The following CNTNAP2 variants were observed in gnomAD, a reference collection of about 807,000 sequenced individuals.
CNTNAP2 encodes the protein contactin-associated protein-like 2.
In CNTNAP2, 98 loss-of-function variants were observed where a neutral mutation model predicts 155.2. The observed-to-expected ratio is 0.63, with a 90% CI of 0.54 to 0.75. The LOEUF is 0.75. Ranked by LOEUF, CNTNAP2 falls within the 30% of genes least tolerant of loss-of-function variation. The probability of loss-of-function intolerance (pLI) is 0.00; values close to 1 mark genes in which losing one functional copy is unlikely to be tolerated. For synonymous variants in CNTNAP2, 651 were observed against 631.2 expected, an observed-to-expected ratio of 1.03 and a Z score of -0.47; for missense variants, 1,727 against 1,688.1, an observed-to-expected ratio of 1.02 and a Z score of -0.40.
At chr7:148,054,632 T>A (rs910216463) in intron 15 of CNTNAP2, among the ~76,000 whole-genome samples, 2 of 151,980 alleles carry the variant, frequency 1.3e-5, no homozygotes, top group Non-Finnish European at 2.9e-5. Flanking sequence ...AGAGGCCAAC[T>A]CTTTTCCTTT....
chr7:146,810,455 G>A (rs1339324530), intron 2 of CNTNAP2, among the ~76,000 whole-genome samples: 1 of 151,642 alleles, frequency 6.6e-6, no homozygotes, highest in African/African-American at 2.4e-5. Flanking sequence ...CTATTATCAT[G>A]GGAACATTTT....
chr7:147,591,293 A>AT (rs1026415771), intron 12 of CNTNAP2, among the ~76,000 whole-genome samples: 2 of 152,016 alleles, frequency 1.3e-5, no homozygotes, highest in African/African-American at 2.4e-5. Flanking sequence ...CTGTAGGTTT[A>AT]TTTTTTTGTC....
chr7:147,246,290 C>A (rs1804066467), intron 8 of CNTNAP2, among the ~76,000 whole-genome samples: 1 of 152,096 alleles, frequency 6.6e-6, no homozygotes, highest in Admixed American at 6.6e-5. Context: ...CTGGGGAGGT[C>A]AACCTTTGGT....
At position 147,270,179 on chromosome 7, in the gene CNTNAP2, A is replaced by G. The variant is rs545593745; in HGVS notation, c.1349-29962A>G. Among the ~76,000 whole-genome samples the G allele has an allele frequency of 2.6e-4, 39 of 152,348 alleles. 1 individual carries two copies. In the South Asian group the frequency reaches 6.6e-3, roughly 26 times the overall value. ...CAATGAAAGCAAAAAGTCATGAGTC[A>G]TGTCTCTTCTTTCTATATCTATTCT... On this transcript the variant is annotated intron_variant, in intron 8 of 23. Coordinates refer to ENST00000361727, the MANE Select transcript of CNTNAP2 (RefSeq NM_014141.6).
At chr7:147,490,043 T>A (rs936628625) in intron 11 of CNTNAP2, among the ~76,000 whole-genome samples, 2 of 152,238 alleles carry the variant, frequency 1.3e-5, no homozygotes, top group Middle Eastern at 3.2e-3. Flanking sequence ...AGTATTTTAG[T>A]GTTCGACAAA....
At chr7:146,968,462 C>A (rs1797708056) in intron 3 of CNTNAP2, among the ~76,000 whole-genome samples, 1 of 151,844 alleles carries the variant, frequency 6.6e-6, no homozygotes, top group African/African-American at 2.4e-5. Flanking sequence ...GGTTGGTAAG[C>A]TATTGATTAT....
At chr7:146,336,028 T>C (rs1801268449) in intron 1 of CNTNAP2, among the ~76,000 whole-genome samples, 2 of 151,954 alleles carry the variant, frequency 1.3e-5, no homozygotes, top group African/African-American at 2.4e-5. Context: ...GGAGAAACCC[T>C]GTCTCTACTA....
intron 2 of CNTNAP2, among the ~76,000 whole-genome samples, chr7:146,812,751 A>G (rs1803091563): frequency 6.6e-6 from 1 of 152,198 alleles, no homozygotes; most frequent in African/African-American, 2.4e-5. Flanking sequence ...TATCTAGAAC[A>G]TGTCAGAGAC....
rs192474023 is a variant in CNTNAP2 at position 146,618,611 on chromosome 7, T to A, written c.98-155660T>A. 2.7e-3 allele frequency among the ~76,000 whole-genome samples: 407 copies of A among 152,334 alleles called. 1 individual carries two copies. Among genetic ancestry groups the A allele is most frequent in the Non-Finnish European group, 5.1e-3 (345 of 68,022 alleles). On this transcript the variant is annotated intron_variant, in intron 1 of 23. Coordinates refer to ENST00000361727, the MANE Select transcript of CNTNAP2 (RefSeq NM_014141.6). ...GGGTAACAAAGAAACTCTGCACTTA[T>A]AAGCATTGCATATTTGTTTTAAATT...
At chr7:147,907,970 G>T (rs976482926) in intron 14 of CNTNAP2, among the ~76,000 whole-genome samples, 7 of 151,282 alleles carry the variant, frequency 4.6e-5, no homozygotes, top group African/African-American at 1.5e-4. Flanking sequence ...TAGAGATGGG[G>T]TTTCACCAGG....
At chr7:146,552,866 T>G (rs948021868) in intron 1 of CNTNAP2, among the ~76,000 whole-genome samples, 1 of 152,088 alleles carries the variant, frequency 6.6e-6, no homozygotes, top group Non-Finnish European at 1.5e-5. Context: ...TAAATGCATG[T>G]CTGACTCCCT....
intron 11 of CNTNAP2, among the ~76,000 whole-genome samples, chr7:147,504,659 G>A (rs532489421): frequency 6.1e-5 from 9 of 148,744 alleles, no homozygotes; most frequent in African/African-American, 2.2e-4. Flanking sequence ...ACGGCTTGGG[G>A]TCCTGGGCGA....
chr7:147,612,930 AT>A lies in CNTNAP2; in HGVS notation c.1898-26172del, dbSNP rs775920595. Among the ~76,000 whole-genome samples, 78 of 152,044 alleles carry A rather than the reference AT, an allele frequency of 5.1e-4. 1 individual carries two copies. Among genetic ancestry groups the A allele is most frequent in the Non-Finnish European group, 1.0e-3 (68 of 68,010 alleles). Reference sequence around the variant, plus strand: ...CAATTGTATAACCATAGCTCAACTTATTTTCCACTCTTGTCGGCTGGCCTTT... The same window carrying A: ...CAATTGTATAACCATAGCTCAACTTATTTCCACTCTTGTCGGCTGGCCTTT... On this transcript the variant is annotated intron_variant, in intron 12 of 23. Coordinates refer to ENST00000361727, the MANE Select transcript of CNTNAP2 (RefSeq NM_014141.6).
At chr7:147,413,306 A>G (rs1797134646) in intron 10 of CNTNAP2, among the ~76,000 whole-genome samples, 1 of 152,196 alleles carries the variant, frequency 6.6e-6, no homozygotes, top group Non-Finnish European at 1.5e-5. Context: ...AGCGTTGGAG[A>G]AAAGTATTCA....
intron 13 of CNTNAP2, among the ~76,000 whole-genome samples, chr7:147,890,531 A>T (rs994448235): frequency 7.9e-5 from 12 of 152,230 alleles, no homozygotes; most frequent in African/African-American, 2.2e-4. Flanking sequence ...TCAAAGAGGT[A>T]TCTGCATTCC....
chr7:148,339,233 C>G (rs1330390507), intron 21 of CNTNAP2, among the ~76,000 whole-genome samples: 1 of 149,810 alleles, frequency 6.7e-6, no homozygotes, highest in Non-Finnish European at 1.5e-5. Context: ...GCAGATACAC[C>G]AGGAGGCTCA....
At chr7:148,354,178 ATTTTTTTTTTTTT>A (rs57278575) in intron 21 of CNTNAP2, among the ~76,000 whole-genome samples, 14 of 99,324 alleles carry the variant, frequency 1.4e-4, no homozygotes, top group African/African-American at 3.5e-4. Context: ...GAAACGATTA[ATTTTTTTTTTTTT>A]TTTTTTTTTT....
In CNTNAP2 at chr7:147,556,667, G is replaced by T. The variant is rs144160929; in HGVS notation, c.1778-5471G>T. Among the ~76,000 whole-genome samples, 572 of 152,212 alleles carry T rather than the reference G, an allele frequency of 3.8e-3. 3 individuals carry two copies. The highest frequency in any genetic ancestry group is 0.013 in the African/African-American group (534 of 41,530). ...GTGTGGCCTCTATAATCTGGAAAAG[G>T]CAAGTATATAGATTTCCCCCCTAGA... On this transcript the variant is annotated intron_variant, in intron 11 of 23. Coordinates refer to ENST00000361727, the MANE Select transcript of CNTNAP2 (RefSeq NM_014141.6).
chr7:147,113,985 C>G (rs1043709655), intron 5 of CNTNAP2, among the ~76,000 whole-genome samples: 3 of 152,054 alleles, frequency 2.0e-5, no homozygotes, highest in Non-Finnish European at 4.4e-5. Context: ...ACTGCTTTAA[C>G]TGCATCCCAG....
Sources: gnomAD v4.1 joint callset for allele counts (sites outside exome capture counted in the v4.1 genomes callset) on GRCh38, gnomAD v4.1.1 for gene constraint, MANE v1.5 for transcripts, NCBI Gene and HGNC (gene_info 2026-07-23, HGNC 2026-07-21) for gene names.